The following THOC2 variants were observed in gnomAD, a reference collection of about 807,000 sequenced individuals.
THOC2 encodes THO complex 2.
In THOC2, 10 loss-of-function variants were observed where a neutral mutation model predicts 128.4. That is an observed-to-expected ratio of 0.08 (90% CI 0.05 to 0.13). The LOEUF (loss-of-function observed/expected upper bound fraction) is 0.13. Ranked by LOEUF, THOC2 falls within the 10% of genes least tolerant of loss-of-function variation. The pLI is 1.00. For missense variants in THOC2, 535 were observed against 1,155.7 expected, an observed-to-expected ratio of 0.46 and a Z score of 7.79; for synonymous variants, 393 against 396.9, an observed-to-expected ratio of 0.99 and a Z score of 0.12.
rs1289987569 is a variant in THOC2 at position 123,613,813 on chromosome X, T to A, written c.4450-105A>T. 5.0e-6 allele frequency: 4 copies of A among 798,879 alleles called. No homozygotes were observed. The South Asian group carries it at 7.2e-5, about 14-fold the overall frequency. The allele number at this position is 798,879 out of a possible 1,213,427, so 65.8% of individuals were successfully genotyped here. On this transcript the variant is annotated intron_variant, in intron 34 of 38. Coordinates refer to ENST00000245838, the MANE Select transcript of THOC2 (RefSeq NM_001081550.2). ...ACAGCTAACTAGCAATGGAGAGTAT[T>A]TGCAGTAGTTTCACATACTTGGTAA... is the stretch of plus-strand genomic sequence containing the variant.
chrX:123,731,614 A>G (rs1236455738), intron 1 of THOC2, among the ~76,000 whole-genome samples: 2 of 111,989 alleles, frequency 1.8e-5, no homozygotes, highest in East Asian at 2.8e-4. Flanking sequence ...ATTATTCCCA[A>G]TTTACTCAAG....
At chrX:123,679,300 T>C (rs987996416) in intron 8 of THOC2, among the ~76,000 whole-genome samples, 12 of 111,706 alleles carry the variant, frequency 1.1e-4, no homozygotes, top group Admixed American at 1.0e-3. Context: ...AATGGTTAAT[T>C]TTCAGTCCTT....
intron 23 of THOC2, among the ~76,000 whole-genome samples, chrX:123,627,409 G>A (rs1310098782): frequency 9.0e-6 from 1 of 111,443 alleles, no homozygotes; most frequent in Non-Finnish European, 1.9e-5. Context: ...CTCCTCTTGA[G>A]AACTACTGCT....
At chrX:123,669,281 G>A (rs887359740) in intron 9 of THOC2, among the ~76,000 whole-genome samples, 1 of 108,084 alleles carries the variant, frequency 9.3e-6, no homozygotes, top group African/African-American at 3.4e-5. Context: ...TTGTATTGCT[G>A]TACTTATACA....
intron 8 of THOC2, among the ~76,000 whole-genome samples, chrX:123,685,931 G>A (rs979723528): frequency 1.5e-4 from 17 of 111,451 alleles, no homozygotes; most frequent in Admixed American, 2.9e-4. Flanking sequence ...AGTGGCACAC[G>A]ACTGTAGTCC....
intron 9 of THOC2, among the ~76,000 whole-genome samples, chrX:123,671,038 T>C (rs903606535): frequency 6.3e-5 from 7 of 111,854 alleles, no homozygotes; most frequent in Non-Finnish European, 1.3e-4. Flanking sequence ...GGAATTTATA[T>C]ACTATTAGCC....
Position 123,616,520 on chromosome X carries a change from T to C in THOC2, c.4312-2331A>G, listed in dbSNP as rs995467296. Among the ~76,000 whole-genome samples the C allele has an allele frequency of 6.3e-5, 7 of 111,187 alleles. No homozygotes were observed. In the Admixed American group the frequency reaches 6.7e-4, roughly 11 times the overall value. On this transcript the variant is annotated intron_variant, in intron 33 of 38. Coordinates refer to ENST00000245838, the MANE Select transcript of THOC2 (RefSeq NM_001081550.2). ...CACTGACTTTATTAAAGCTTCACTA[T>C]ATTATATAAAGATGGCCTCACTTTT...
chrX:123,660,069 G>A (rs959098812), intron 12 of THOC2, among the ~76,000 whole-genome samples: 2 of 111,831 alleles, frequency 1.8e-5, no homozygotes, highest in Admixed American at 9.5e-5. Context: ...ATGAGAAAAC[G>A]CAGATTTCTT....
Position 123,727,245 on chromosome X carries a change from T to TA in THOC2, c.71+5706dup, listed in dbSNP as rs111672267. Among the ~76,000 whole-genome samples, 60 of 104,212 alleles carry TA rather than the reference T, an allele frequency of 5.8e-4. 2 individuals carry two copies. Among genetic ancestry groups the TA allele is most frequent in the Admixed American group, 1.2e-3 (12 of 9,676 alleles). 90.5% of individuals were successfully genotyped at this position (104,212 alleles called of 115,157 possible). ...ACTTAGTTAAAAATAAATTTTTTAATAAAAAAAAAACAGGTATTCCTTAGT... is the reference window on the plus strand; with the variant it reads ...ACTTAGTTAAAAATAAATTTTTTAATAAAAAAAAAAACAGGTATTCCTTAGT... On this transcript the variant is annotated intron_variant, in intron 1 of 38. Coordinates refer to ENST00000245838, the MANE Select transcript of THOC2 (RefSeq NM_001081550.2).
At chrX:123,717,501 T>C (rs2051477108) in intron 1 of THOC2, among the ~76,000 whole-genome samples, 2 of 111,190 alleles carry the variant, frequency 1.8e-5, no homozygotes, top group South Asian at 3.7e-4. Context: ...CACCACAAGC[T>C]ATCAAATGCT....
intron 1 of THOC2, among the ~76,000 whole-genome samples, chrX:123,732,507 G>A (rs1433018627): frequency 1.8e-5 from 2 of 112,246 alleles, no homozygotes; most frequent in African/African-American, 6.5e-5. Flanking sequence ...TTCAGGCAGA[G>A]GAGGCGCCAA....
intron 8 of THOC2, among the ~76,000 whole-genome samples, chrX:123,684,554 T>G (rs975758480): frequency 1.2e-4 from 13 of 111,513 alleles, no homozygotes; most frequent in African/African-American, 4.2e-4. Flanking sequence ...TGGCTAATTT[T>G]TTTTTGTATT....
At chrX:123,613,610 T>C (rs758503082) in intron 35 of THOC2, 29 bp downstream of exon 35, 2 of 1,206,258 alleles carry the variant, frequency 1.7e-6, no homozygotes, top group South Asian at 1.8e-5. Flanking sequence ...TTCGATGATA[T>C]CTTCAAAGAT....
intron 12 of THOC2, among the ~76,000 whole-genome samples, chrX:123,656,352 A>AAGAG (rs1161132096): frequency 2.4e-4 from 24 of 100,149 alleles, no homozygotes; most frequent in South Asian, 1.8e-3. Flanking sequence ...AAAAAAAAAA[A>AAGAG]AGAGAGAGAG....
chrX:123,645,206 T>C, intron 13 of THOC2, 128 bp downstream of exon 13: 5 of 499,799 alleles, frequency 1.0e-5, no homozygotes, highest in Non-Finnish European at 1.6e-5. Context: ...CGCCAAAAAC[T>C]ATAATCAGCA....
At chrX:123,689,945 C>T (rs974448855) in intron 7 of THOC2, among the ~76,000 whole-genome samples, 2 of 110,621 alleles carry the variant, frequency 1.8e-5, no homozygotes, top group African/African-American at 6.6e-5. Context: ...TAGCTCCCTA[C>T]CTCTACCACC....
At chrX:123,686,155 T>A (rs1269513099) in intron 8 of THOC2, among the ~76,000 whole-genome samples, 3 of 112,182 alleles carry the variant, frequency 2.7e-5, no homozygotes, top group African/African-American at 9.7e-5. Context: ...CCCAGCCACA[T>A]CAGACTATGA....
intron 9 of THOC2, among the ~76,000 whole-genome samples, chrX:123,669,564 C>A (rs2049183229): frequency 9.0e-6 from 1 of 111,307 alleles, no homozygotes; most frequent in Non-Finnish European, 1.9e-5. Context: ...GATCTGCCCG[C>A]CTTGGCCTCC....
chrX:123,673,871 T>C (rs1173950956), intron 8 of THOC2, among the ~76,000 whole-genome samples: 3 of 111,604 alleles, frequency 2.7e-5, no homozygotes, highest in Non-Finnish European at 5.6e-5. Flanking sequence ...TTCCAGACTA[T>C]TCTCCCTCTA....
Sources: gnomAD v4.1 joint callset for allele counts (sites outside exome capture counted in the v4.1 genomes callset) on GRCh38, gnomAD v4.1.1 for gene constraint, MANE v1.5 for transcripts, NCBI Gene and HGNC (gene_info 2026-07-23, HGNC 2026-07-21) for gene names.